The following CEP63 variants were observed in gnomAD, a reference collection of about 807,000 sequenced individuals.
The protein encoded by CEP63 is centrosomal protein of 63 kDa.
A neutral mutation model predicts 89.1 loss-of-function variants in CEP63; 84 were observed. The observed-to-expected ratio is 0.94, with a 90% CI of 0.79 to 1.13. The LOEUF is 1.13. Among genes scored for constraint, CEP63 ranks in the 50% most tolerant of loss-of-function variants. CEP63 has a pLI of 0.00. For missense variants in CEP63, 838 were observed against 813.3 expected, an observed-to-expected ratio of 1.03 and a Z score of -0.37; for synonymous variants, 267 against 272.5, an observed-to-expected ratio of 0.98 and a Z score of 0.20.
the CEP63 span, among the ~76,000 whole-genome samples, chr3:134,690,793 G>A: frequency 7.0e-6 from 1 of 142,118 alleles, no homozygotes; most frequent in African/African-American, 2.8e-5. Context: ...CTGTCACCCA[G>A]GCTGGAGTGC....
At chr3:134,688,685 C>G in the CEP63 span, among the ~76,000 whole-genome samples, 1 of 152,144 alleles carries the variant, frequency 6.6e-6, no homozygotes, top group Non-Finnish European at 1.5e-5. Flanking sequence ...CCATCAGGAG[C>G]AAAAGTGGGA....
the CEP63 span, among the ~76,000 whole-genome samples, chr3:134,735,132 A>G: frequency 6.6e-6 from 1 of 152,170 alleles, no homozygotes; most frequent in African/African-American, 2.4e-5. Flanking sequence ...ACAATGCTGT[A>G]ACTAAGCTTT....
the CEP63 span, among the ~76,000 whole-genome samples, chr3:134,697,500 G>A: frequency 6.6e-6 from 1 of 152,290 alleles, no homozygotes; most frequent in Non-Finnish European, 1.5e-5. Context: ...ACTTTAGAAA[G>A]AGGTATGGGG....
intron 1 of CEP63, among the ~76,000 whole-genome samples, chr3:134,491,441 A>G (rs562624073): frequency 6.6e-6 from 1 of 152,208 alleles, no homozygotes; most frequent in African/African-American, 2.4e-5. Flanking sequence ...CTCCTTATAT[A>G]TTTGGGTAAT....
At chr3:134,546,934 A>G (rs1043028461) in intron 8 of CEP63, among the ~76,000 whole-genome samples, 2 of 152,186 alleles carry the variant, frequency 1.3e-5, no homozygotes, top group African/African-American at 4.8e-5. Flanking sequence ...ATAAGTTGTG[A>G]TTAGTAGCTG....
chr3:134,649,916 A>C, the CEP63 span, among the ~76,000 whole-genome samples: 1 of 152,216 alleles, frequency 6.6e-6, no homozygotes, highest in Non-Finnish European at 1.5e-5. Flanking sequence ...GAGAGGCAGA[A>C]GTCATTCTCC....
At chr3:134,702,403 C>T in the CEP63 span, among the ~76,000 whole-genome samples, 8 of 150,960 alleles carry the variant, frequency 5.3e-5, no homozygotes, top group Admixed American at 2.6e-4. Flanking sequence ...AAAAAAACAG[C>T]CCGAATAGCC....
intron 2 of CEP63, among the ~76,000 whole-genome samples, chr3:134,504,971 T>G (rs1362419738): frequency 6.6e-6 from 1 of 152,220 alleles, no homozygotes; most frequent in Admixed American, 6.5e-5. Context: ...TGGCTCTTTT[T>G]AATGATATCC....
intron 3 of CEP63, chr3:134,510,466 ATCGAC>A: frequency 3.4e-6 from 1 of 295,582 alleles, no homozygotes; most frequent in South Asian, 4.1e-5. Flanking sequence ...CCACCATGGA[ATCGAC>A]TGTTGAGCCT....
intron 2 of CEP63, among the ~76,000 whole-genome samples, chr3:134,497,116 GT>G (rs769653914): frequency 1.3e-5 from 2 of 152,060 alleles, no homozygotes; most frequent in Admixed American, 1.3e-4. Context: ...TTTTAATAGG[GT>G]TTTTTGTTTT....
intron 1 of CEP63, among the ~76,000 whole-genome samples, chr3:134,490,379 T>A (rs1937195384): frequency 6.6e-6 from 1 of 152,146 alleles, no homozygotes; most frequent in Non-Finnish European, 1.5e-5. Flanking sequence ...TGGTTTCAAG[T>A]TAACAGGCTA....
chr3:134,561,887 C>A lies in CEP63; in HGVS notation c.*352C>A. 1 of 1,066,338 alleles carries A rather than the reference C, an allele frequency of 9.4e-7. No individual in the cohort carries two copies. 66.1% of individuals were successfully genotyped at this position (1,066,338 alleles called of 1,614,324 possible). On this transcript the variant is annotated 3_prime_UTR_variant, in exon 15 of 15. Transcript: ENST00000675561. ...ATGATACATGTTGAAAATAAAGTAA[C>A]TGCAGGAACTTTCTTTAGGGGAAAT...
the CEP63 span, among the ~76,000 whole-genome samples, chr3:134,750,410 A>G: frequency 6.6e-6 from 1 of 152,168 alleles, no homozygotes. Context: ...AGTGGAAGCA[A>G]CTGAGCCCAG....
the CEP63 span, among the ~76,000 whole-genome samples, chr3:134,644,194 T>A: frequency 6.6e-6 from 1 of 152,122 alleles, no homozygotes; most frequent in South Asian, 2.1e-4. Context: ...GGAGACGGGA[T>A]GATGTGTAGT....
intron 3 of CEP63, among the ~76,000 whole-genome samples, chr3:134,508,639 T>G (rs573392173): frequency 6.6e-6 from 1 of 152,324 alleles, no homozygotes; most frequent in African/African-American, 2.4e-5. Context: ...AAATTTGAAC[T>G]TATTCCTGTG....
chr3:134,706,597 G>A, the CEP63 span, among the ~76,000 whole-genome samples: 2 of 152,158 alleles, frequency 1.3e-5, no homozygotes, highest in African/African-American at 4.8e-5. Flanking sequence ...CCCCTTGATG[G>A]TTGACATTCT....
the CEP63 span, among the ~76,000 whole-genome samples, chr3:134,708,713 T>C: frequency 2.6e-5 from 4 of 152,222 alleles, no homozygotes; most frequent in Admixed American, 6.5e-5. Context: ...GAGAAGCACA[T>C]GCCTTCCTGC....
chr3:134,664,262 G>A, the CEP63 span, among the ~76,000 whole-genome samples: 1 of 152,224 alleles, frequency 6.6e-6, no homozygotes, highest in Non-Finnish European at 1.5e-5. Context: ...GTGAGTCACA[G>A]CTTCAGCCTC....
At chr3:134,602,915 A>G in the CEP63 span, among the ~76,000 whole-genome samples, 3 of 152,202 alleles carry the variant, frequency 2.0e-5, no homozygotes, top group African/African-American at 4.8e-5. Context: ...ATTCCTGACT[A>G]TACTTAGGGA....
Sources: allele counts gnomAD v4.1 joint callset (sites outside exome capture counted in the v4.1 genomes callset), GRCh38; gene constraint gnomAD v4.1.1; transcripts MANE v1.5; gene names NCBI Gene and HGNC (gene_info 2026-07-23, HGNC 2026-07-21).